The following OXR1 variants were observed in gnomAD, a reference collection of about 807,000 sequenced individuals.
OXR1 encodes the protein oxidation resistance protein 1.
OXR1 carries 41 observed loss-of-function variants against 104.6 expected under a neutral mutation model. The ratio of observed to expected loss-of-function variants is 0.39; its 90% CI spans 0.31 to 0.51. The LOEUF (loss-of-function observed/expected upper bound fraction) is 0.51, where lower values mean the gene tolerates loss of function less well. Among genes scored for constraint, OXR1 ranks in the 20% least tolerant of loss-of-function variants. The pLI is 0.77. For missense variants in OXR1, 955 were observed against 1,031.9 expected (o/e 0.93, Z 1.02); for synonymous variants, 348 against 348.4 (o/e 1.00, Z 0.01).
intron 3 of OXR1, among the ~76,000 whole-genome samples, chr8:106,592,093 A>G (rs3134120): frequency 0.36 from 54,015 of 152,030 alleles, 10,157 homozygotes; most frequent in African/African-American, 0.48. Flanking sequence ...TGACATGGAT[A>G]GTAGAAGATT....
At chr8:106,410,905 G>T (rs1037642146) in intron 2 of OXR1, among the ~76,000 whole-genome samples, 1 of 152,050 alleles carries the variant, frequency 6.6e-6, no homozygotes, top group Non-Finnish European at 1.5e-5. Flanking sequence ...TGACTCATTT[G>T]TTCAGAAATG....
chr8:106,681,903 C>T (rs2131227482), intron 4 of OXR1, among the ~76,000 whole-genome samples: 1 of 152,284 alleles, frequency 6.6e-6, no homozygotes, highest in Middle Eastern at 3.4e-3. Context: ...CATGAGTCTA[C>T]TCTGGATGGT....
intron 2 of OXR1, among the ~76,000 whole-genome samples, chr8:106,417,179 A>G (rs4446708): frequency 0.38 from 57,133 of 151,906 alleles, 11,965 homozygotes; most frequent in East Asian, 0.7. Flanking sequence ...CTGAAAAATC[A>G]CTATAATAGT....
intron 3 of OXR1, among the ~76,000 whole-genome samples, chr8:106,559,734 C>G (rs1279404963): frequency 6.6e-6 from 1 of 152,074 alleles, no homozygotes; most frequent in Non-Finnish European, 1.5e-5. Flanking sequence ...AAAAGGCTAG[C>G]TGGCTCCCTC....
chr8:106,479,617 G>A (rs1383087963), intron 2 of OXR1, among the ~76,000 whole-genome samples: 3 of 151,964 alleles, frequency 2.0e-5, no homozygotes, highest in Non-Finnish European at 4.4e-5. Flanking sequence ...CTTTGCACAA[G>A]CACAGAGGAA....
At chr8:106,318,810 T>C (rs1490787553) in intron 1 of OXR1, among the ~76,000 whole-genome samples, 3 of 152,218 alleles carry the variant, frequency 2.0e-5, no homozygotes, top group African/African-American at 7.2e-5. Flanking sequence ...GATACAGTGT[T>C]ATTTATCTTT....
chr8:106,633,401 C>T (rs1229907680), intron 3 of OXR1, among the ~76,000 whole-genome samples: 1 of 152,104 alleles, frequency 6.6e-6, no homozygotes, highest in African/African-American at 2.4e-5. Context: ...TCAAAATATT[C>T]CCTTCAATTA....
chr8:106,460,609 G>A (rs539364149), intron 2 of OXR1, among the ~76,000 whole-genome samples: 1 of 152,310 alleles, frequency 6.6e-6, no homozygotes, highest in African/African-American at 2.4e-5. Flanking sequence ...CACTGCTGGT[G>A]AAACAATTTG....
chr8:106,743,588 T>G (rs1272964025), intron 15 of OXR1, among the ~76,000 whole-genome samples: 1 of 152,246 alleles, frequency 6.6e-6, no homozygotes, highest in African/African-American at 2.4e-5. Flanking sequence ...CCCAGAGTGC[T>G]GGGATTACAG....
chr8:106,581,901 G>T (rs2130631879), intron 3 of OXR1, among the ~76,000 whole-genome samples: 1 of 151,178 alleles, frequency 6.6e-6, no homozygotes, highest in African/African-American at 2.4e-5. Flanking sequence ...GCAGGTGCTT[G>T]TAATCCCAGC....
At chr8:106,466,691 A>G (rs1385609820) in intron 2 of OXR1, among the ~76,000 whole-genome samples, 1 of 151,924 alleles carries the variant, frequency 6.6e-6, no homozygotes, top group Non-Finnish European at 1.5e-5. Context: ...AAGAAAATCT[A>G]CAGTTTGCAT....
chr8:106,493,838 T>C (rs550481069), intron 2 of OXR1, among the ~76,000 whole-genome samples: 1 of 152,288 alleles, frequency 6.6e-6, no homozygotes, highest in South Asian at 2.1e-4. Flanking sequence ...ATTACCAAAA[T>C]AGCTCTGTGA....
chr8:106,421,642 T>C (rs978207297), intron 2 of OXR1, among the ~76,000 whole-genome samples: 1 of 152,184 alleles, frequency 6.6e-6, no homozygotes, highest in Non-Finnish European at 1.5e-5. Flanking sequence ...TTTAGAAGTC[T>C]AGGCTGGTTA....
chr8:106,440,360 G>A (rs746072959), intron 2 of OXR1, among the ~76,000 whole-genome samples: 4 of 152,104 alleles, frequency 2.6e-5, no homozygotes, highest in East Asian at 1.9e-4. Flanking sequence ...CAGGACAATC[G>A]GCTCAATCTC....
chr8:106,308,626 A>G (rs914896803), intron 1 of OXR1, among the ~76,000 whole-genome samples: 2 of 152,172 alleles, frequency 1.3e-5, no homozygotes, highest in African/African-American at 4.8e-5. Flanking sequence ...AAATCCAAAG[A>G]AAGAAACTGC....
intron 2 of OXR1, 110 bp from the exon 3 acceptor site, chr8:106,518,833 G>T: frequency 1.5e-6 from 1 of 680,240 alleles, no homozygotes; most frequent in Non-Finnish European, 2.4e-6. Flanking sequence ...AATAGATGTG[G>T]TTCTATCTCA....
intron 2 of OXR1, among the ~76,000 whole-genome samples, chr8:106,440,881 G>C (rs1819753867): frequency 6.6e-6 from 1 of 151,984 alleles, no homozygotes; most frequent in Non-Finnish European, 1.5e-5. Context: ...GTATTCCTAG[G>C]TTAAATGTAT....
chr8:106,479,052 A>T (rs953750596), intron 2 of OXR1, among the ~76,000 whole-genome samples: 18 of 151,972 alleles, frequency 1.2e-4, no homozygotes, highest in African/African-American at 4.3e-4. Flanking sequence ...GAGGAGAAAA[A>T]GTGTGACTTC....
chr8:106,457,954 A>T (rs1286249097), intron 2 of OXR1, among the ~76,000 whole-genome samples: 1 of 152,196 alleles, frequency 6.6e-6, no homozygotes, highest in Non-Finnish European at 1.5e-5. Context: ...TTATAGTAAA[A>T]TGCGAGTGGA....
Sources: gnomAD v4.1 joint callset for allele counts (sites outside exome capture counted in the v4.1 genomes callset) on GRCh38, gnomAD v4.1.1 for gene constraint, MANE v1.5 for transcripts, NCBI Gene and HGNC (gene_info 2026-07-23, HGNC 2026-07-21) for gene names.